Variants in GSE1 observed in about 807,000 individuals in gnomAD.
GSE1 encodes the protein Gse1 coiled-coil protein, also known as genetic suppressor element 1.
Under a neutral mutation model 112.6 loss-of-function variants are expected in GSE1, and 32 were observed. The observed-to-expected ratio is 0.28, with a 90% CI of 0.21 to 0.38. GSE1 has a LOEUF of 0.38. Ranked by LOEUF, GSE1 falls within the 10% of genes least tolerant of loss-of-function variation. The pLI, the probability that GSE1 is intolerant of heterozygous loss-of-function variation, is 1.00. For missense variants in GSE1, 2,348 were observed against 1,699.2 expected (o/e 1.38, Z -6.71); for synonymous variants, 1,115 against 735.6 (o/e 1.52, Z -8.35).
chr16:85,455,487 C>G (rs72798973), intron 2 of GSE1, among the ~76,000 whole-genome samples: 3,824 of 152,280 alleles, frequency 0.025, 79 homozygotes, highest in Non-Finnish European at 0.04. Flanking sequence ...TAACAGCAGA[C>G]CCCATGGTCC....
chr16:85,636,290 C>T (rs955510981), intron 2 of GSE1, among the ~76,000 whole-genome samples: 7 of 152,188 alleles, frequency 4.6e-5, no homozygotes, highest in African/African-American at 1.7e-4. Flanking sequence ...CCCACCTCAC[C>T]CCCTATTGAG....
At chr16:85,400,452 CCGT>C (rs2048076220) in intron 2 of GSE1, among the ~76,000 whole-genome samples, 1 of 149,752 alleles carries the variant, frequency 6.7e-6, no homozygotes, top group South Asian at 2.1e-4. Flanking sequence ...GGTTGTATGT[CCGT>C]GTGTTGTATG....
chr16:85,342,413 G>A (rs906262952), intron 1 of GSE1, among the ~76,000 whole-genome samples: 3 of 152,144 alleles, frequency 2.0e-5, no homozygotes, highest in Admixed American at 6.5e-5. Context: ...CCCTGTCAGC[G>A]CTTGAGAAAC....
chr16:85,647,632 G>T (rs1258050571), intron 2 of GSE1, among the ~76,000 whole-genome samples: 1 of 152,160 alleles, frequency 6.6e-6, no homozygotes, highest in Non-Finnish European at 1.5e-5. Flanking sequence ...CTGTCGCCAG[G>T]CTGGAGTGCG....
At chr16:85,622,171 T>G (rs962410829) in intron 1 of GSE1, among the ~76,000 whole-genome samples, 2 of 152,162 alleles carry the variant, frequency 1.3e-5, no homozygotes, top group African/African-American at 4.8e-5. Context: ...CTGGGTTGGA[T>G]GAGGGAGTCC....
chr16:85,644,029 C>T (rs987459653), intron 2 of GSE1, among the ~76,000 whole-genome samples: 1 of 152,054 alleles, frequency 6.6e-6, no homozygotes, highest in Non-Finnish European at 1.5e-5. Flanking sequence ...GAGGGCTTTC[C>T]ATGAAGTAGG....
At chr16:85,664,980 A>G in intron 11 of GSE1, 35 bp from the exon 12 acceptor site, 1 of 1,319,562 alleles carries the variant, frequency 7.6e-7, no homozygotes, top group African/African-American at 1.4e-5. Flanking sequence ...AAATGATGCA[A>G]CTGGCTCGTT....
chr16:85,651,582 C>G (rs1031798342), intron 3 of GSE1, among the ~76,000 whole-genome samples: 1 of 152,184 alleles, frequency 6.6e-6, no homozygotes, highest in African/African-American at 2.4e-5. Flanking sequence ...GCCGTTTGAC[C>G]CGGCCCACGG....
At chr16:85,436,591 C>T (rs1033463382) in intron 2 of GSE1, among the ~76,000 whole-genome samples, 7 of 152,226 alleles carry the variant, frequency 4.6e-5, no homozygotes, top group Non-Finnish European at 8.8e-5. Context: ...AGTGTGAAGG[C>T]GGGGACCTCG....
intron 1 of GSE1, among the ~76,000 whole-genome samples, chr16:85,207,345 C>T (rs574870991): frequency 1.3e-5 from 2 of 152,334 alleles, no homozygotes; most frequent in South Asian, 4.1e-4. Context: ...TGCTGTGCTG[C>T]ACTGGGGGCC....
intron 1 of GSE1, among the ~76,000 whole-genome samples, chr16:85,556,712 A>C (rs1166537008): frequency 6.7e-6 from 1 of 148,634 alleles, no homozygotes; most frequent in African/African-American, 2.5e-5. Flanking sequence ...CCGAGTGTGA[A>C]GTTACTTTCC....
chr16:85,287,935 A>C (rs2045087609), intron 1 of GSE1, among the ~76,000 whole-genome samples: 1 of 152,130 alleles, frequency 6.6e-6, no homozygotes, highest in East Asian at 1.9e-4. Flanking sequence ...AGAAATGGAG[A>C]TCATCATGAA....
At chr16:85,638,711 T>G (rs1251077441) in intron 2 of GSE1, among the ~76,000 whole-genome samples, 2 of 141,742 alleles carry the variant, frequency 1.4e-5, no homozygotes, top group Non-Finnish European at 3.1e-5. Context: ...TCCCCATTCT[T>G]GCCACCCCCA....
chr16:85,172,953 C>T (rs72814232), intron 1 of GSE1, among the ~76,000 whole-genome samples: 2,307 of 152,334 alleles, frequency 0.015, 31 homozygotes, highest in Non-Finnish European at 0.025. Context: ...ATGCTCTACT[C>T]AGATTTCCTT....
At chr16:85,170,353 G>A (rs2074339292) in exon 1 of GSE1, 21 of 985,368 alleles carry the variant, frequency 2.1e-5, no homozygotes, top group East Asian at 1.1e-4. Context: ...GAGCATTCAG[G>A]ATCCCTGGCA....
chr16:85,189,977 C>T (rs1324865958), intron 1 of GSE1, among the ~76,000 whole-genome samples: 1 of 152,062 alleles, frequency 6.6e-6, no homozygotes, highest in African/African-American at 2.4e-5. Context: ...GTTTTTGAAC[C>T]AGTTTTTTGG....
At chr16:85,295,829 T>G (rs1216758677) in intron 1 of GSE1, among the ~76,000 whole-genome samples, 3 of 150,982 alleles carry the variant, frequency 2.0e-5, no homozygotes, top group Admixed American at 6.6e-5. Context: ...GATCTGGAAC[T>G]CCTGGGCTCA....
At chr16:85,633,841 C>A in intron 1 of GSE1, 73 bp from the exon 2 acceptor site, 1 of 1,212,158 alleles carries the variant, frequency 8.2e-7, no homozygotes, top group Non-Finnish European at 1.2e-6. Context: ...TGACACCGGC[C>A]CTGCCGACCC....
chr16:85,381,919 G>C (rs1206476892), intron 2 of GSE1, among the ~76,000 whole-genome samples: 1 of 152,128 alleles, frequency 6.6e-6, no homozygotes, highest in Non-Finnish European at 1.5e-5. Flanking sequence ...CACCGGGCTG[G>C]GGCCAGGCTT....
Sources: gnomAD v4.1 joint callset for allele counts (sites outside exome capture counted in the v4.1 genomes callset) on GRCh38, gnomAD v4.1.1 for gene constraint, MANE v1.5 for transcripts, NCBI Gene and HGNC (gene_info 2026-07-23, HGNC 2026-07-21) for gene names.